The following ADORA2B variants were observed in gnomAD, a reference collection of about 807,000 sequenced individuals.
ADORA2B encodes the protein adenosine receptor A2b.
A neutral mutation model predicts 20.8 loss-of-function variants in ADORA2B; 18 were observed. The observed-to-expected ratio is 0.87, with a 90% CI of 0.60 to 1.29. The LOEUF (loss-of-function observed/expected upper bound fraction) is 1.29, where lower values mean the gene tolerates loss of function less well. Ranked by LOEUF, ADORA2B falls within the 50% of genes most tolerant of loss-of-function variation. ADORA2B has a pLI of 0.00. For synonymous variants in ADORA2B, 179 were observed against 178.3 expected, an observed-to-expected ratio of 1.00 and a Z score of -0.03; for missense variants, 441 against 422.7, an observed-to-expected ratio of 1.04 and a Z score of -0.38.
chr17:15,959,467 A>T (rs1413040458), intron 1 of ADORA2B, among the ~76,000 whole-genome samples: 1 of 150,900 alleles, frequency 6.6e-6, no homozygotes, highest in African/African-American at 2.4e-5. Context: ...TCACACACAC[A>T]TACACTGGCA....
At chr17:15,931,825 G>A in the ADORA2B span, among the ~76,000 whole-genome samples, 22 of 152,040 alleles carry the variant, frequency 1.4e-4, no homozygotes, top group Non-Finnish European at 2.9e-4. Context: ...GCTGCCTCCC[G>A]GGTTCAAGCC....
the ADORA2B span, among the ~76,000 whole-genome samples, chr17:15,938,864 G>T: frequency 6.6e-6 from 1 of 152,090 alleles, no homozygotes; most frequent in Non-Finnish European, 1.5e-5. Flanking sequence ...CATATGTACT[G>T]TTATTGCATT....
chr17:15,909,676 C>CT, the ADORA2B span, among the ~76,000 whole-genome samples: 1 of 152,228 alleles, frequency 6.6e-6, no homozygotes, highest in Non-Finnish European at 1.5e-5. Context: ...CCTGTGTCTG[C>CT]TTTGCAGGGT....
At chr17:15,949,813 G>A (rs1337791617) in intron 1 of ADORA2B, among the ~76,000 whole-genome samples, 1 of 152,164 alleles carries the variant, frequency 6.6e-6, no homozygotes, top group South Asian at 2.1e-4. Flanking sequence ...GGAGGTTGCA[G>A]TGAGCCCCAG....
chr17:15,904,811 G>A, the ADORA2B span, among the ~76,000 whole-genome samples: 2 of 152,064 alleles, frequency 1.3e-5, no homozygotes, highest in Admixed American at 6.6e-5. Context: ...CCATTTGTTA[G>A]AGCGTCCTTT....
the ADORA2B span, among the ~76,000 whole-genome samples, chr17:15,883,632 C>T: frequency 1.3e-5 from 2 of 152,108 alleles, no homozygotes; most frequent in Admixed American, 6.5e-5. Context: ...AAAAGAAGCC[C>T]GTCATCAAAG....
At chr17:15,969,414 T>C (rs908503725) in intron 1 of ADORA2B, among the ~76,000 whole-genome samples, 18 of 152,086 alleles carry the variant, frequency 1.2e-4, no homozygotes, top group African/African-American at 4.3e-4. Flanking sequence ...AGACGCGCCA[T>C]TGCACTGCAG....
chr17:15,881,738 T>A, the ADORA2B span, among the ~76,000 whole-genome samples: 1 of 152,220 alleles, frequency 6.6e-6, no homozygotes, highest in South Asian at 2.1e-4. Flanking sequence ...CCCATCTGTG[T>A]TGGGGCGTGT....
chr17:15,895,487 G>C, the ADORA2B span, among the ~76,000 whole-genome samples: 1 of 152,140 alleles, frequency 6.6e-6, no homozygotes, highest in South Asian at 2.1e-4. Flanking sequence ...AGCAAATCCG[G>C]AGCCGGGATC....
chr17:15,945,596 G>T lies in ADORA2B; in HGVS notation c.335+13G>T. 6.8e-7 allele frequency: 1 copy of T among 1,461,194 alleles called. No individual in the cohort carries two copies. The allele number at this position is 1,461,194 out of a possible 1,614,324, so 90.5% of individuals were successfully genotyped here. On this transcript the variant is annotated intron_variant, in intron 1 of 1. Coordinates refer to ENST00000304222, the MANE Select transcript of ADORA2B (RefSeq NM_000676.4). ...GTGTCCCGCTCAGGTGAGGCGCTCG[G>T]CGTCGCCCGAACTCGGGGCCCCGTC... is the stretch of plus-strand genomic sequence containing the variant.
At chr17:15,973,289 G>A (rs1970209668) in intron 1 of ADORA2B, among the ~76,000 whole-genome samples, 1 of 152,132 alleles carries the variant, frequency 6.6e-6, no homozygotes, top group South Asian at 2.1e-4. Flanking sequence ...TAAAACTACA[G>A]TCCTGCCCAT....
the ADORA2B span, among the ~76,000 whole-genome samples, chr17:15,899,806 T>C: frequency 6.6e-6 from 1 of 152,108 alleles, no homozygotes; most frequent in African/African-American, 2.4e-5. Context: ...TAGTATTCCA[T>C]GGTGTTTATA....
the ADORA2B span, among the ~76,000 whole-genome samples, chr17:15,872,123 G>A: frequency 6.6e-6 from 1 of 152,174 alleles, no homozygotes; most frequent in African/African-American, 2.4e-5. Context: ...GCTGAGGGGA[G>A]AGGGGAATAG....
the ADORA2B span, among the ~76,000 whole-genome samples, chr17:15,885,633 G>C: frequency 1.3e-5 from 2 of 151,362 alleles, no homozygotes; most frequent in Non-Finnish European, 2.9e-5. Flanking sequence ...AGAATTGCTT[G>C]AACCTGGGAG....
chr17:15,964,168 TC>T (rs924247471), intron 1 of ADORA2B, among the ~76,000 whole-genome samples: 1 of 152,246 alleles, frequency 6.6e-6, no homozygotes, highest in Admixed American at 6.5e-5. Context: ...GAGGCCTGCT[TC>T]CCGTTCATAT....
chr17:15,933,789 T>TATAG, the ADORA2B span, among the ~76,000 whole-genome samples: 9 of 151,750 alleles, frequency 5.9e-5, no homozygotes, highest in African/African-American at 1.9e-4. Flanking sequence ...TATATATATA[T>TATAG]AGAGAGAGAG....
the ADORA2B span, among the ~76,000 whole-genome samples, chr17:15,878,102 G>A: frequency 4.1e-4 from 62 of 151,820 alleles, 1 homozygote; most frequent in South Asian, 0.01. Context: ...GCCTCAGAGC[G>A]CTTTATTCGT....
intron 1 of ADORA2B, among the ~76,000 whole-genome samples, chr17:15,965,778 G>A (rs1970108775): frequency 6.6e-6 from 1 of 152,248 alleles, no homozygotes; most frequent in Admixed American, 6.5e-5. Flanking sequence ...AGCCTGCTGG[G>A]GTCTTGGCCG....
chr17:15,920,254 T>C, the ADORA2B span, among the ~76,000 whole-genome samples: 1 of 152,258 alleles, frequency 6.6e-6, no homozygotes, highest in Middle Eastern at 3.4e-3. Flanking sequence ...CATGAGAAGT[T>C]ACTTAATGGG....
Sources: allele counts gnomAD v4.1 joint callset (sites outside exome capture counted in the v4.1 genomes callset), GRCh38; gene constraint gnomAD v4.1.1; transcripts MANE v1.5; gene names NCBI Gene and HGNC (gene_info 2026-07-23, HGNC 2026-07-21).